CNBD1: variants seen among roughly 807,000 people sequenced by gnomAD.
CNBD1 encodes the protein cyclic nucleotide-binding domain-containing protein 1.
A neutral mutation model predicts 54.4 loss-of-function variants in CNBD1; 71 were observed. The ratio of observed to expected loss-of-function variants is 1.30; its 90% CI spans 1.08 to 1.59. The LOEUF (loss-of-function observed/expected upper bound fraction) is 1.59, where lower values mean the gene tolerates loss of function less well. Among genes scored for constraint, CNBD1 ranks in the 40% most tolerant of loss-of-function variants. CNBD1 has a pLI of 0.00. For missense variants in CNBD1, 659 were observed against 518.0 expected (o/e 1.27, Z -2.64); for synonymous variants, 182 against 170.7 (o/e 1.07, Z -0.51).
At chr8:87,048,351 G>A (rs1414925019) in intron 4 of CNBD1, among the ~76,000 whole-genome samples, 1 of 152,146 alleles carries the variant, frequency 6.6e-6, no homozygotes, top group Admixed American at 6.6e-5. Flanking sequence ...TATTTCAAAA[G>A]GGCTTAAATC....
intron 4 of CNBD1, among the ~76,000 whole-genome samples, chr8:86,967,801 GTTTT>G (rs796253707): frequency 7.4e-6 from 1 of 134,266 alleles, no homozygotes. Flanking sequence ...TGCTTGTTCA[GTTTT>G]TTTTTTTTTT....
At chr8:87,024,817 T>G (rs1201810366) in intron 4 of CNBD1, among the ~76,000 whole-genome samples, 1 of 152,204 alleles carries the variant, frequency 6.6e-6, no homozygotes, top group East Asian at 1.9e-4. Flanking sequence ...TTGCCATGGT[T>G]TTTGATTGGT....
At chr8:87,363,152 A>G (rs1810557180) in intron 10 of CNBD1, among the ~76,000 whole-genome samples, 1 of 151,984 alleles carries the variant, frequency 6.6e-6, no homozygotes, top group Admixed American at 6.6e-5. Flanking sequence ...TGGTTTCCAG[A>G]GTTATCCATG....
chr8:87,344,363 TAAG>T (rs918237409), intron 8 of CNBD1, among the ~76,000 whole-genome samples: 2 of 152,052 alleles, frequency 1.3e-5, no homozygotes, highest in Non-Finnish European at 2.9e-5. Context: ...CAAAGTCTAA[TAAG>T]AAAAACATGA....
At chr8:87,337,465 G>A (rs528886011) in intron 8 of CNBD1, among the ~76,000 whole-genome samples, 42 of 152,328 alleles carry the variant, frequency 2.8e-4, no homozygotes, top group Admixed American at 2.5e-3. Flanking sequence ...CCCCCAAGGA[G>A]CTCAGATGGC....
chr8:87,106,055 A>G (rs1811528101), intron 4 of CNBD1, among the ~76,000 whole-genome samples: 1 of 152,192 alleles, frequency 6.6e-6, no homozygotes, highest in Non-Finnish European at 1.5e-5. Flanking sequence ...TCCCTTATCA[A>G]ACTCTACATC....
At chr8:87,306,614 G>C (rs1809155000) in intron 8 of CNBD1, among the ~76,000 whole-genome samples, 1 of 152,182 alleles carries the variant, frequency 6.6e-6, no homozygotes, top group African/African-American at 2.4e-5. Flanking sequence ...CATTTGTAGT[G>C]ACCTGGATGA....
chr8:87,187,465 C>T (rs1249602816), intron 4 of CNBD1, among the ~76,000 whole-genome samples: 2 of 133,894 alleles, frequency 1.5e-5, no homozygotes, highest in South Asian at 2.3e-4. Flanking sequence ...TTCATATATC[C>T]TTCTCTTTTT....
intron 3 of CNBD1, among the ~76,000 whole-genome samples, chr8:86,938,135 A>G (rs544988423): frequency 1.2e-4 from 19 of 152,288 alleles, no homozygotes; most frequent in African/African-American, 3.6e-4. Flanking sequence ...GAAGATGCAA[A>G]ATGCTGCCAG....
rs553468803 is a variant in CNBD1 at position 87,404,379 on chromosome 8, T to A, written c.214-24167T>A. Among the ~76,000 whole-genome samples the A allele has an allele frequency of 2.4e-3, 369 of 152,218 alleles. 2 individuals are homozygous for A. The highest frequency in any genetic ancestry group is 4.6e-3 in the South Asian group (22 of 4,820). On this transcript the variant is annotated intron_variant, in intron 2 of 7. Transcript: ENST00000521593. Reference sequence around the variant, plus strand: ...GCTTTGATACTTAAAAAAGAAATGGTTATGTACACTTAAGTGGCAATATCC... The same window carrying A: ...GCTTTGATACTTAAAAAAGAAATGGATATGTACACTTAAGTGGCAATATCC...
intron 4 of CNBD1, among the ~76,000 whole-genome samples, chr8:86,951,529 G>A (rs1307724501): frequency 1.3e-4 from 15 of 117,806 alleles, no homozygotes; most frequent in Admixed American, 9.8e-4. Flanking sequence ...TCAGTGAGCC[G>A]AGATCATGCC....
intron 4 of CNBD1, among the ~76,000 whole-genome samples, chr8:86,962,954 C>G (rs533159513): frequency 2.6e-5 from 4 of 152,220 alleles, no homozygotes; most frequent in Non-Finnish European, 4.4e-5. Flanking sequence ...TTTCTCCAGC[C>G]TGAGGGTCAA....
chr8:87,092,431 A>ATGTGTGTGTGTATATACACATATG (rs1811227885), intron 4 of CNBD1, among the ~76,000 whole-genome samples: 2 of 113,536 alleles, frequency 1.8e-5, no homozygotes, highest in African/African-American at 7.2e-5. Flanking sequence ...GTATGTATGT[A>ATGTGTGTGTGTATATACACATATG]TGTGTGTGTG....
intron 3 of CNBD1, among the ~76,000 whole-genome samples, chr8:86,921,849 C>A (rs1400473236): frequency 6.6e-6 from 1 of 152,072 alleles, no homozygotes; most frequent in Non-Finnish European, 1.5e-5. Context: ...ACACTGAGCA[C>A]CAACTGTGTG....
At chr8:86,928,200 G>C (rs907178974) in intron 3 of CNBD1, among the ~76,000 whole-genome samples, 3 of 152,108 alleles carry the variant, frequency 2.0e-5, no homozygotes, top group African/African-American at 7.2e-5. Context: ...TTATATCCTT[G>C]ACCAAGTTGG....
intron 8 of CNBD1, among the ~76,000 whole-genome samples, chr8:87,327,857 TAC>T (rs1197461951): frequency 1.3e-5 from 2 of 152,348 alleles, no homozygotes; most frequent in East Asian, 3.9e-4. Context: ...CTAGGAGTTT[TAC>T]AGTTTAAAGT....
intron 2 of CNBD1, among the ~76,000 whole-genome samples, chr8:87,415,338 G>A (rs1563593510): frequency 1.3e-5 from 2 of 152,104 alleles, no homozygotes; most frequent in East Asian, 3.9e-4. Flanking sequence ...GCTGCTGCTG[G>A]TCTGAGCACT....
intron 4 of CNBD1, among the ~76,000 whole-genome samples, chr8:87,187,206 A>T (rs1054910532): frequency 6.6e-6 from 1 of 151,948 alleles, no homozygotes; most frequent in African/African-American, 2.4e-5. Context: ...GCACATATCT[A>T]TCTATATGCC....
At chr8:87,326,135 A>T (rs1386690659) in intron 8 of CNBD1, among the ~76,000 whole-genome samples, 1 of 128,806 alleles carries the variant, frequency 7.8e-6, no homozygotes, top group Non-Finnish European at 1.7e-5. Context: ...ATTGACCCCC[A>T]CTCTCTTCTG....
Sources: allele counts gnomAD v4.1 joint callset (sites outside exome capture counted in the v4.1 genomes callset), GRCh38; gene constraint gnomAD v4.1.1; transcripts MANE v1.5; gene names NCBI Gene and HGNC (gene_info 2026-07-23, HGNC 2026-07-21).